Variants in PPP1R14C observed in about 807,000 individuals in gnomAD.
The protein encoded by PPP1R14C is protein phosphatase 1 regulatory subunit 14C.
In PPP1R14C, 16 loss-of-function variants were observed where a neutral mutation model predicts 20.4. That is an observed-to-expected ratio of 0.78 (90% CI 0.53 to 1.19). The LOEUF (loss-of-function observed/expected upper bound fraction) is 1.19. Among genes scored for constraint, PPP1R14C ranks in the 50% most tolerant of loss-of-function variants. PPP1R14C has a pLI of 0.00. For missense variants in PPP1R14C, 211 were observed against 220.1 expected, an observed-to-expected ratio of 0.96 and a Z score of 0.26; for synonymous variants, 91 against 91.0, an observed-to-expected ratio of 1.00 and a Z score of 0.00.
intron 3 of PPP1R14C, among the ~76,000 whole-genome samples, chr6:150,239,002 C>A (rs575125054): frequency 2.6e-5 from 4 of 152,108 alleles, no homozygotes; most frequent in African/African-American, 9.7e-5. Context: ...ACAGAAACCA[C>A]ATCCACCAGG....
intron 3 of PPP1R14C, among the ~76,000 whole-genome samples, chr6:150,247,800 T>A (rs1778512302): frequency 6.6e-6 from 1 of 152,202 alleles, no homozygotes; most frequent in Non-Finnish European, 1.5e-5. Flanking sequence ...GTCAGAAATG[T>A]ACCTTATTGG....
chr6:150,227,354 T>G (rs563897366), intron 3 of PPP1R14C, among the ~76,000 whole-genome samples: 1 of 152,142 alleles, frequency 6.6e-6, no homozygotes, highest in Non-Finnish European at 1.5e-5. Context: ...AAGCAACCTC[T>G]TGGAAGGCCA....
At chr6:150,149,680 G>C (rs1324792445) in intron 1 of PPP1R14C, among the ~76,000 whole-genome samples, 1 of 152,066 alleles carries the variant, frequency 6.6e-6, no homozygotes, top group East Asian at 1.9e-4. Flanking sequence ...ACCAAGCATA[G>C]TACTTAGGAC....
chr6:150,231,199 C>T (rs536693590), intron 3 of PPP1R14C, among the ~76,000 whole-genome samples: 7 of 152,334 alleles, frequency 4.6e-5, no homozygotes, highest in African/African-American at 1.4e-4. Flanking sequence ...GCATCCCCTC[C>T]GAAACGTGTT....
chr6:150,162,737 G>A (rs768781162), intron 1 of PPP1R14C, among the ~76,000 whole-genome samples: 11 of 152,206 alleles, frequency 7.2e-5, no homozygotes, highest in Admixed American at 7.2e-4. Context: ...AGGGACACAG[G>A]TGCTTAGGAT....
At chr6:150,196,796 A>G (rs1471464832) in intron 1 of PPP1R14C, among the ~76,000 whole-genome samples, 1 of 152,224 alleles carries the variant, frequency 6.6e-6, no homozygotes, top group African/African-American at 2.4e-5. Context: ...TGAGACAACA[A>G]TTTACTGCCT....
At chr6:150,182,667 C>A (rs970236163) in intron 1 of PPP1R14C, among the ~76,000 whole-genome samples, 1 of 152,138 alleles carries the variant, frequency 6.6e-6, no homozygotes, top group South Asian at 2.1e-4. Context: ...TACCTTATAA[C>A]GTTATTGTGA....
intron 2 of PPP1R14C, among the ~76,000 whole-genome samples, chr6:150,216,191 A>G (rs1778090309): frequency 6.6e-6 from 1 of 152,194 alleles, no homozygotes; most frequent in East Asian, 1.9e-4. Context: ...TTCCTCAGCA[A>G]GACATTCAAA....
At chr6:150,198,347 G>A (rs113173047) in intron 1 of PPP1R14C, among the ~76,000 whole-genome samples, 3 of 146,738 alleles carry the variant, frequency 2.0e-5, no homozygotes, top group Non-Finnish European at 3.0e-5. Flanking sequence ...GCCCCTGGCC[G>A]CCACGGTGGA....
chr6:150,247,802 C>T (rs1231813515), intron 3 of PPP1R14C, among the ~76,000 whole-genome samples: 1 of 152,138 alleles, frequency 6.6e-6, no homozygotes, highest in Non-Finnish European at 1.5e-5. Context: ...CAGAAATGTA[C>T]CTTATTGGGC....
intron 1 of PPP1R14C, among the ~76,000 whole-genome samples, chr6:150,164,155 A>T (rs1402885568): frequency 3.9e-5 from 6 of 152,142 alleles, no homozygotes; most frequent in Non-Finnish European, 2.9e-5. Context: ...TCATATGTTT[A>T]CTGGCCTTTG....
chr6:150,225,192 C>A (rs1469549724), intron 3 of PPP1R14C, among the ~76,000 whole-genome samples: 1 of 152,082 alleles, frequency 6.6e-6, no homozygotes, highest in Non-Finnish European at 1.5e-5. Flanking sequence ...GAACAGAATG[C>A]TCCGGTGTAT....
Position 150,184,744 on chromosome 6 carries a change from G to A in PPP1R14C, c.307-30000G>A, listed in dbSNP as rs754942378. ...GAAAGCCTCCTTGAGAGCAGCCACCGCATGATTTTGTTTACTGTTGTGTCC... is the reference window on the plus strand; with the variant it reads ...GAAAGCCTCCTTGAGAGCAGCCACCACATGATTTTGTTTACTGTTGTGTCC... On this transcript the variant is annotated intron_variant, in intron 1 of 3. Coordinates refer to ENST00000361131, the MANE Select transcript of PPP1R14C (RefSeq NM_030949.3). Among the ~76,000 whole-genome samples the A allele has an allele frequency of 1.4e-4, 21 of 152,250 alleles. No homozygotes were observed. In the South Asian group the frequency reaches 1.9e-3, roughly 14 times the overall value.
chr6:150,244,264 G>C (rs9397777), intron 3 of PPP1R14C, among the ~76,000 whole-genome samples: 3 of 151,464 alleles, frequency 2.0e-5, no homozygotes, highest in Admixed American at 2.0e-4. Flanking sequence ...TTTCTTGCCC[G>C]ATCCATTATA....
At chr6:150,202,800 G>A (rs1008982139) in intron 1 of PPP1R14C, among the ~76,000 whole-genome samples, 3 of 152,168 alleles carry the variant, frequency 2.0e-5, no homozygotes, top group Non-Finnish European at 4.4e-5. Context: ...CACCTTCCTG[G>A]GTTCAGCCAC....
rs185705706 is a variant in PPP1R14C at position 150,176,836 on chromosome 6, G to A, written c.306+33338G>A. 2.0e-5 allele frequency among the ~76,000 whole-genome samples: 3 copies of A among 152,334 alleles called. No homozygotes were observed. The East Asian group carries it at 5.8e-4, about 29-fold the overall frequency. On this transcript the variant is annotated intron_variant, in intron 1 of 3. Coordinates refer to ENST00000361131, the MANE Select transcript of PPP1R14C (RefSeq NM_030949.3). ...TTCAAACAGGACAATCCTGTTCATC[G>A]TGTGGGAGACCCTGTGGGCAAGGAG...
chr6:150,198,279 G>C (rs537455121), intron 1 of PPP1R14C, among the ~76,000 whole-genome samples: 1 of 144,562 alleles, frequency 6.9e-6, no homozygotes, highest in South Asian at 2.2e-4. Context: ...CTGGATGCCC[G>C]GCTTTGTGTG....
chr6:150,188,212 G>A (rs886294099), intron 1 of PPP1R14C, among the ~76,000 whole-genome samples: 1 of 152,166 alleles, frequency 6.6e-6, no homozygotes, highest in Non-Finnish European at 1.5e-5. Context: ...ATTTAGAACA[G>A]ATTAGTCTTC....
intron 1 of PPP1R14C, among the ~76,000 whole-genome samples, chr6:150,203,403 T>C (rs947104772): frequency 6.6e-6 from 1 of 152,218 alleles, no homozygotes; most frequent in Non-Finnish European, 1.5e-5. Flanking sequence ...ATATCAGCAA[T>C]GGTCTTTTAT....
Sources: gnomAD v4.1 joint callset for allele counts (sites outside exome capture counted in the v4.1 genomes callset) on GRCh38, gnomAD v4.1.1 for gene constraint, MANE v1.5 for transcripts, NCBI Gene and HGNC (gene_info 2026-07-23, HGNC 2026-07-21) for gene names.